Variants in ADORA2B observed in about 807,000 individuals in gnomAD.
ADORA2B encodes adenosine receptor A2b.
A neutral mutation model predicts 20.8 loss-of-function variants in ADORA2B; 18 were observed. The observed-to-expected ratio is 0.87, with a 90% CI of 0.60 to 1.29. The LOEUF is 1.29. Ranked by LOEUF, ADORA2B falls within the 50% of genes most tolerant of loss-of-function variation. The pLI is 0.00. For synonymous variants in ADORA2B, 179 were observed against 178.3 expected (o/e 1.00, Z -0.03); for missense variants, 441 against 422.7 (o/e 1.04, Z -0.38).
the ADORA2B span, among the ~76,000 whole-genome samples, chr17:15,877,332 C>G: frequency 1.3e-5 from 2 of 152,180 alleles, no homozygotes; most frequent in Non-Finnish European, 2.9e-5. Context: ...TGAGGTTTGA[C>G]TGCTCATGTT....
At chr17:15,919,806 C>T in the ADORA2B span, among the ~76,000 whole-genome samples, 177 of 152,156 alleles carry the variant, frequency 1.2e-3, 1 homozygote, top group African/African-American at 4.1e-3. Flanking sequence ...GCTGGGTGTA[C>T]AGGATGGAAA....
the ADORA2B span, among the ~76,000 whole-genome samples, chr17:15,917,862 CCCAAACTTCG>C: frequency 6.6e-6 from 1 of 152,244 alleles, no homozygotes; most frequent in Non-Finnish European, 1.5e-5. Context: ...AGGAGGCCAC[CCCAAACTTCG>C]CCTGTCCAGG....
intron 1 of ADORA2B, among the ~76,000 whole-genome samples, chr17:15,946,650 C>T (rs909061344): frequency 2.0e-5 from 3 of 152,186 alleles, no homozygotes; most frequent in Non-Finnish European, 2.9e-5. Context: ...CCCAGCAGTC[C>T]TTGCAGTAGT....
the ADORA2B span, among the ~76,000 whole-genome samples, chr17:15,930,293 T>TC: frequency 6.6e-6 from 1 of 151,462 alleles, no homozygotes; most frequent in African/African-American, 2.4e-5. Flanking sequence ...CTCCTTTTTT[T>TC]TTTTTTTTCT....
the ADORA2B span, among the ~76,000 whole-genome samples, chr17:15,897,293 C>T: frequency 0.02 from 3,106 of 152,216 alleles, 103 homozygotes; most frequent in African/African-American, 0.071. Flanking sequence ...TCTAGCCAGG[C>T]GTGGTGGCTC....
chr17:15,966,813 C>G (rs1042186749), intron 1 of ADORA2B, among the ~76,000 whole-genome samples: 3 of 152,198 alleles, frequency 2.0e-5, no homozygotes, highest in Non-Finnish European at 4.4e-5. Context: ...ATAAAGCTGC[C>G]TGTGTTTCCT....
chr17:15,948,146 C>T (rs944836420), intron 1 of ADORA2B, among the ~76,000 whole-genome samples: 2 of 151,892 alleles, frequency 1.3e-5, no homozygotes, highest in Admixed American at 6.6e-5. Flanking sequence ...ACCCCCAGTT[C>T]CTCCCGGTTC....
At position 15,974,434 on chromosome 17, in the gene ADORA2B, C is replaced by T. The variant is rs555402159; in HGVS notation, c.336-245C>T. 8 of 448,814 alleles carry T rather than the reference C, an allele frequency of 1.8e-5. No homozygotes were observed. The East Asian group carries it at 2.8e-4, about 16-fold the overall frequency. 27.8% of individuals were successfully genotyped at this position (448,814 alleles called of 1,614,324 possible). ...AGGCTTCCCCACCTCTTGTCATTGGCCATCCTGTGTCACTAAACAGAAAGG... is the reference window on the plus strand; with the variant it reads ...AGGCTTCCCCACCTCTTGTCATTGGTCATCCTGTGTCACTAAACAGAAAGG... On this transcript the variant is annotated intron_variant, in intron 1 of 1. Coordinates refer to ENST00000304222, the MANE Select transcript of ADORA2B (RefSeq NM_000676.4).
intron 1 of ADORA2B, among the ~76,000 whole-genome samples, chr17:15,955,683 C>T: frequency 6.6e-6 from 1 of 150,910 alleles, no homozygotes; most frequent in Non-Finnish European, 1.5e-5. Flanking sequence ...TGTGGGACCA[C>T]AGGCGTGAGC....
At chr17:15,974,164 C>A (rs1970219299) in intron 1 of ADORA2B, 1 of 153,382 alleles carries the variant, frequency 6.5e-6, no homozygotes, top group African/African-American at 2.4e-5. Flanking sequence ...GAACAGTTGG[C>A]CACATTTGAT....
chr17:15,967,797 T>C (rs1970139923), intron 1 of ADORA2B, among the ~76,000 whole-genome samples: 1 of 152,242 alleles, frequency 6.6e-6, no homozygotes, highest in South Asian at 2.1e-4. Flanking sequence ...TTGGCTGTCC[T>C]GTAGCTCTCC....
At chr17:15,853,418 C>CT in the ADORA2B span, among the ~76,000 whole-genome samples, 1 of 152,190 alleles carries the variant, frequency 6.6e-6, no homozygotes, top group African/African-American at 2.4e-5. Flanking sequence ...TGATGAACCT[C>CT]TGACAAGGCT....
chr17:15,953,532 CTG>C (rs1405710667), intron 1 of ADORA2B, among the ~76,000 whole-genome samples: 2 of 152,256 alleles, frequency 1.3e-5, no homozygotes, highest in Admixed American at 1.3e-4. Flanking sequence ...TGACTCCCCA[CTG>C]TGAACCGCCA....
the ADORA2B span, among the ~76,000 whole-genome samples, chr17:15,881,115 A>G: frequency 6.6e-6 from 1 of 151,676 alleles, no homozygotes; most frequent in Non-Finnish European, 1.5e-5. Flanking sequence ...ATTTTTATTT[A>G]TTTTGAGACG....
intron 1 of ADORA2B, among the ~76,000 whole-genome samples, chr17:15,973,388 G>A (rs145558813): frequency 7.6e-4 from 116 of 152,266 alleles, no homozygotes; most frequent in Middle Eastern, 3.4e-3. Flanking sequence ...CTAGATCTGA[G>A]TCTGTTAAAA....
chr17:15,917,608 C>A, the ADORA2B span, among the ~76,000 whole-genome samples: 6 of 152,242 alleles, frequency 3.9e-5, no homozygotes, highest in Non-Finnish European at 8.8e-5. Flanking sequence ...GGCTAGGGAA[C>A]AGGGATGCCC....
At chr17:15,910,212 A>G in the ADORA2B span, among the ~76,000 whole-genome samples, 3 of 152,220 alleles carry the variant, frequency 2.0e-5, no homozygotes, top group Admixed American at 6.5e-5. Context: ...CTTCAGAGCC[A>G]GGTTCTAGAG....
At chr17:15,965,047 T>A (rs1007990924) in intron 1 of ADORA2B, among the ~76,000 whole-genome samples, 2 of 149,004 alleles carry the variant, frequency 1.3e-5, no homozygotes, top group Non-Finnish European at 3.0e-5. Flanking sequence ...GCGACGGAGC[T>A]AGACTCTGTC....
At chr17:15,869,198 T>TAATCA in the ADORA2B span, among the ~76,000 whole-genome samples, 1 of 151,356 alleles carries the variant, frequency 6.6e-6, no homozygotes, top group African/African-American at 2.4e-5. Flanking sequence ...CGCACAACTG[T>TAATCA]AATCCCAGCT....
Sources: gnomAD v4.1 joint callset for allele counts (sites outside exome capture counted in the v4.1 genomes callset) on GRCh38, gnomAD v4.1.1 for gene constraint, MANE v1.5 for transcripts, NCBI Gene and HGNC (gene_info 2026-07-23, HGNC 2026-07-21) for gene names.